KITLG: variants seen among roughly 807,000 people sequenced by gnomAD.
The protein encoded by KITLG is c-Kit ligand.
KITLG carries 13 observed loss-of-function variants against 34.1 expected under a neutral mutation model. That is an observed-to-expected ratio of 0.38 (90% CI 0.25 to 0.61). The LOEUF (loss-of-function observed/expected upper bound fraction) is 0.61. KITLG is among the 20% of genes least tolerant of loss of function. KITLG has a pLI of 0.60. For missense variants in KITLG, 292 were observed against 318.9 expected, an observed-to-expected ratio of 0.92 and a Z score of 0.64; for synonymous variants, 110 against 104.0, an observed-to-expected ratio of 1.06 and a Z score of -0.35.
chr12:88,580,116 GC>G (rs1165116671), intron 1 of KITLG, 147 bp downstream of exon 1: 1 of 837,556 alleles, frequency 1.2e-6, no homozygotes, highest in African/African-American at 1.7e-5. Flanking sequence ...CACACACCAC[GC>G]CGGCCTCCCC....
chr12:88,496,318 C>T lies in KITLG; in HGVS notation c.*901G>A, dbSNP rs1479993522. Reference sequence around the variant, plus strand: ...TTACATTCAGCATTTTCTCCTAAGTCCCTTTACATAGCTCTGTAATAGTTT... The same window carrying T: ...TTACATTCAGCATTTTCTCCTAAGTTCCTTTACATAGCTCTGTAATAGTTT... On this transcript the variant is annotated 3_prime_UTR_variant, in exon 10 of 10. Coordinates refer to ENST00000644744, the MANE Select transcript of KITLG (RefSeq NM_000899.5). 1 of 152,156 alleles carries T rather than the reference C, an allele frequency of 6.6e-6. No individual in the cohort carries two copies. The highest frequency in any genetic ancestry group is 1.9e-4 in the East Asian group (1 of 5,198). The allele number at this position is 152,156 out of a possible 1,614,324, so 9.4% of individuals were successfully genotyped here. A position where few individuals can be genotyped will look rare whatever the true frequency, so the allele number is the denominator to read the frequency against.
intron 1 of KITLG, among the ~76,000 whole-genome samples, chr12:88,554,210 G>A (rs1365908285): frequency 6.6e-6 from 1 of 151,980 alleles, no homozygotes; most frequent in East Asian, 1.9e-4. Context: ...ATATCAGGGG[G>A]ACATATGCTG....
chr12:88,551,387 A>G (rs1434004323), intron 1 of KITLG, among the ~76,000 whole-genome samples: 1 of 152,182 alleles, frequency 6.6e-6, no homozygotes, highest in Non-Finnish European at 1.5e-5. Context: ...TCTACACAGA[A>G]GTCTTTCTAA....
intron 1 of KITLG, among the ~76,000 whole-genome samples, chr12:88,577,020 A>C (rs906816175): frequency 1.3e-5 from 2 of 152,184 alleles, no homozygotes; most frequent in Non-Finnish European, 2.9e-5. Flanking sequence ...GTTTTATGTT[A>C]AATGTAATCA....
intron 4 of KITLG, 46 bp from the exon 5 acceptor site, chr12:88,516,536 TAACTG>T (rs766825070): frequency 2.4e-6 from 3 of 1,274,604 alleles, no homozygotes; most frequent in Non-Finnish European, 3.4e-6. Context: ...TCTTCAGACT[TAACTG>T]AGGTGAAGAT....
chr12:88,556,218 C>CAAAA (rs5799868), intron 1 of KITLG, among the ~76,000 whole-genome samples: 1 of 125,032 alleles, frequency 8.0e-6, no homozygotes, highest in Non-Finnish European at 1.6e-5. Flanking sequence ...AAAGAATAAG[C>CAAAA]AAAAAAAAAA....
chr12:88,543,247 G>T lies in KITLG; in HGVS notation c.129+2505C>A, dbSNP rs1028032153. Among the ~76,000 whole-genome samples, 10 of 152,138 alleles carry T rather than the reference G, an allele frequency of 6.6e-5. No individual in the cohort carries two copies. In the East Asian group the frequency reaches 1.9e-3, roughly 29 times the overall value. The stretch of plus-strand genomic sequence containing the variant: ...ATTTACATTAGGTATTTCTCCAAAC[G>T]CTATCCCTCTTCCAGGCCCCCACCC... On this transcript the variant is annotated intron_variant, in intron 2 of 9. Coordinates refer to ENST00000644744, the MANE Select transcript of KITLG (RefSeq NM_000899.5).
At chr12:88,557,342 T>C (rs902141414) in intron 1 of KITLG, among the ~76,000 whole-genome samples, 2 of 152,098 alleles carry the variant, frequency 1.3e-5, no homozygotes, top group Non-Finnish European at 2.9e-5. Context: ...ATGTACATAA[T>C]AGAGTAAGCA....
At chr12:88,554,629 C>G (rs1289674231) in intron 1 of KITLG, among the ~76,000 whole-genome samples, 1 of 152,188 alleles carries the variant, frequency 6.6e-6, no homozygotes, top group African/African-American at 2.4e-5. Context: ...GAGTTCAGGT[C>G]TTCTTAACTC....
chr12:88,564,762 A>G (rs1874745157), intron 1 of KITLG, among the ~76,000 whole-genome samples: 2 of 152,194 alleles, frequency 1.3e-5, no homozygotes, highest in South Asian at 4.1e-4. Flanking sequence ...AGGAACACAG[A>G]TCATGCTCTA....
intron 3 of KITLG, among the ~76,000 whole-genome samples, chr12:88,525,471 AGG>A (rs1869832111): frequency 6.6e-6 from 1 of 152,180 alleles, no homozygotes; most frequent in South Asian, 2.1e-4. Flanking sequence ...AAGAATGGTG[AGG>A]AGATACACAG....
intron 1 of KITLG, among the ~76,000 whole-genome samples, chr12:88,568,808 T>TA (rs1408476134): frequency 6.6e-6 from 1 of 151,702 alleles, no homozygotes; most frequent in African/African-American, 2.4e-5. Context: ...TCCAGGTTTT[T>TA]AAAAAAAAGA....
chr12:88,557,854 C>A (rs1407797939), intron 1 of KITLG, among the ~76,000 whole-genome samples: 2 of 152,036 alleles, frequency 1.3e-5, no homozygotes, highest in African/African-American at 4.8e-5. Context: ...ATTGAACTAC[C>A]CTGATGTACA....
At chr12:88,504,503 C>T (rs147385314) in intron 9 of KITLG, among the ~76,000 whole-genome samples, 64 of 152,180 alleles carry the variant, frequency 4.2e-4, no homozygotes, top group African/African-American at 1.3e-3. Context: ...CCAACAGACA[C>T]GTGAAAAAAT....
intron 3 of KITLG, among the ~76,000 whole-genome samples, chr12:88,532,078 G>T (rs1372640221): frequency 6.6e-6 from 1 of 152,006 alleles, no homozygotes; most frequent in Admixed American, 6.6e-5. Flanking sequence ...AATGTGCATA[G>T]GTTATATGCA....
chr12:88,541,626 C>T (rs1262801431), intron 2 of KITLG, among the ~76,000 whole-genome samples: 1 of 152,126 alleles, frequency 6.6e-6, no homozygotes. Flanking sequence ...CATCCTCTTC[C>T]CAGATACTTG....
At chr12:88,534,779 CT>C in intron 2 of KITLG, 9 of 439,302 alleles carry the variant, frequency 2.0e-5, no homozygotes, top group South Asian at 1.5e-4. Flanking sequence ...TCCTCTCAAA[CT>C]TTCCACCAAG....
intron 3 of KITLG, among the ~76,000 whole-genome samples, chr12:88,532,062 C>T (rs1462719378): frequency 2.6e-5 from 4 of 151,870 alleles, no homozygotes; most frequent in African/African-American, 9.7e-5. Flanking sequence ...ATAAAGTATA[C>T]AGAAGAATGT....
chr12:88,506,723 A>C (rs904893682), intron 7 of KITLG, among the ~76,000 whole-genome samples: 13 of 152,210 alleles, frequency 8.5e-5, no homozygotes, highest in Non-Finnish European at 1.8e-4. Flanking sequence ...CCAAAATAGC[A>C]GATAATACAA....
Sources: allele counts gnomAD v4.1 joint callset (sites outside exome capture counted in the v4.1 genomes callset), GRCh38; gene constraint gnomAD v4.1.1; transcripts MANE v1.5; gene names NCBI Gene and HGNC (gene_info 2026-07-23, HGNC 2026-07-21).